The following SECISBP2 variants were observed in gnomAD, a reference collection of about 807,000 sequenced individuals.
SECISBP2 encodes SECIS binding protein 2.
SECISBP2 carries 96 observed loss-of-function variants against 98.2 expected under a neutral mutation model. That is an observed-to-expected ratio of 0.98 (90% CI 0.83 to 1.16). The LOEUF (loss-of-function observed/expected upper bound fraction) is 1.16, where lower values mean the gene tolerates loss of function less well. Ranked by LOEUF, SECISBP2 falls within the 50% of genes most tolerant of loss-of-function variation. The pLI is 0.00. For missense variants in SECISBP2, 1,046 were observed against 1,022.9 expected, an observed-to-expected ratio of 1.02 and a Z score of -0.31; for synonymous variants, 407 against 370.2, an observed-to-expected ratio of 1.10 and a Z score of -1.14.
At chr9:89,358,431 T>G (rs1832432115) in intron 16 of SECISBP2, among the ~76,000 whole-genome samples, 2 of 151,806 alleles carry the variant, frequency 1.3e-5, no homozygotes, top group Admixed American at 1.3e-4. Flanking sequence ...TAAGGATAGC[T>G]GTACCCAAGA....
chr9:89,363,893 A>C, downstream of SECISBP2: 2 of 1,614,090 alleles, frequency 1.2e-6, no homozygotes, highest in Admixed American at 1.7e-5. Context: ...CTGCACAGGG[A>C]CACAGGTCTC....
Position 89,325,670 on chromosome 9 carries a change from G to C in SECISBP2, c.426G>C (p.Leu142=). 6.2e-7 allele frequency: 1 copy of C among 1,614,138 alleles called. No individual in the cohort carries two copies. The highest frequency in any genetic ancestry group is 1.3e-5 in the African/African-American group (1 of 75,044). ...CTCTCCCACAAGAAATGAAAGCTCT[G>C]TTTAAGGTGAGTAGTGATGTTGTTT... is the stretch of plus-strand genomic sequence containing the variant. ...TCPLPQEMKA[L]FKKKTYDEKK... Residue 142 remains leucine (L), a synonymous_variant, in exon 3 of 17, where the codon CTG becomes CTC. Coordinates refer to ENST00000375807, the MANE Select transcript of SECISBP2 (RefSeq NM_024077.5).
chr9:89,339,726 A>G, intron 8 of SECISBP2, 138 bp from the exon 9 acceptor site: 1 of 680,416 alleles, frequency 1.5e-6, no homozygotes. Flanking sequence ...AGAAGCTCTT[A>G]TGTGAGAGTT....
chr9:89,354,707 T>C, intron 14 of SECISBP2: 1 of 948,392 alleles, frequency 1.1e-6, no homozygotes, highest in Non-Finnish European at 1.3e-6. Flanking sequence ...AGGGCCAACC[T>C]GACAGGCAGC....
At chr9:89,355,009 G>A in intron 14 of SECISBP2, 6 of 985,380 alleles carry the variant, frequency 6.1e-6, no homozygotes, top group Non-Finnish European at 7.2e-6. Context: ...TCTATCCCAG[G>A]AGGCTGCCTC....
At chr9:89,335,373 C>A (rs1037379586) in intron 7 of SECISBP2, among the ~76,000 whole-genome samples, 1 of 152,054 alleles carries the variant, frequency 6.6e-6, no homozygotes, top group Non-Finnish European at 1.5e-5. Flanking sequence ...CTCACTGTTG[C>A]CCAGCCTGGA....
chr9:89,355,303 A>G (rs1386673918), intron 14 of SECISBP2: 1 of 985,272 alleles, frequency 1.0e-6, no homozygotes, highest in African/African-American at 1.7e-5. Context: ...CTGGCCTACA[A>G]TGCTGTGTGC....
At chr9:89,346,277 T>C (rs1830405642) in intron 10 of SECISBP2, among the ~76,000 whole-genome samples, 1 of 152,212 alleles carries the variant, frequency 6.6e-6, no homozygotes, top group Non-Finnish European at 1.5e-5. Flanking sequence ...AAAATTGAAA[T>C]GTTCAGTAGT....
intron 2 of SECISBP2, chr9:89,324,503 C>T (rs1476592195): frequency 6.6e-6 from 1 of 152,190 alleles, no homozygotes; most frequent in Non-Finnish European, 1.5e-5. Context: ...TGTAGTCTCC[C>T]TTTCTTATTC....
rs764792226 is a variant in SECISBP2, at chr9:89,341,484, G to A, written c.1435+5G>A. ...CCAAACCAGTGGTAGTCTCAGGTAA[G>A]AGAGTCTTTCCATCTCAGGCAAGTG... On this transcript the variant is annotated splice_donor_5th_base_variant and intron_variant, in intron 10 of 16. Coordinates refer to ENST00000375807, the MANE Select transcript of SECISBP2 (RefSeq NM_024077.5). The A allele has an allele frequency of 6.2e-6, 10 of 1,613,774 alleles. No individual in the cohort carries two copies. The highest frequency in any genetic ancestry group is 3.4e-6 in the Non-Finnish European group (4 of 1,179,998).
Position 89,358,075 on chromosome 9 carries a change from A to G in SECISBP2, c.2345A>G (p.Gln782Arg). ...AAGACCATGCTGGAGAATGTGCAGC[A>G]GGAGCTGGTGGGAGAGCCCAGGCCT... ...AYKTMLENVQ[Q>R]ELVGEPRPQA... The change falls in exon 16 of 17, where the codon CAG becomes CGG. Residue 782 changes from glutamine to arginine, a missense_variant. Transcript: ENST00000375807. 1 of 1,613,844 alleles carries G rather than the reference A, an allele frequency of 6.2e-7. No homozygotes were observed. The highest frequency in any genetic ancestry group is 8.5e-7 in the Non-Finnish European group (1 of 1,180,014).
intron 10 of SECISBP2, among the ~76,000 whole-genome samples, chr9:89,342,538 A>G (rs1472270778): frequency 6.6e-6 from 1 of 152,268 alleles, no homozygotes; most frequent in Non-Finnish European, 1.5e-5. Context: ...TCATTACCAC[A>G]TAATGGTGTA....
rs1204164880 is a variant in SECISBP2, at chr9:89,318,525, C to T, written c.-52C>T. 6 of 1,510,392 alleles carry T rather than the reference C, an allele frequency of 4.0e-6. No homozygotes were observed. The highest frequency in any genetic ancestry group is 3.6e-5 in the South Asian group (3 of 82,426). The allele number at this position is 1,510,392 out of a possible 1,614,324, so 93.6% of individuals were successfully genotyped here. On this transcript the variant is annotated 5_prime_UTR_variant, in exon 1 of 17. Transcript: ENST00000375807. The stretch of plus-strand genomic sequence containing the variant: ...GGAAACGCTTTGTCTGTCCGGCAAG[C>T]CGACGGCCCGCTGCTGGCCTCCGTG...
intron 3 of SECISBP2, 25 bp from the exon 4 acceptor site, chr9:89,325,872 T>C (rs750982501): frequency 1.9e-6 from 3 of 1,613,418 alleles, no homozygotes; most frequent in Admixed American, 1.7e-5. Flanking sequence ...TTTTATTTCA[T>C]GTTGCTTTTT....
chr9:89,321,560 G>A (rs568136335), intron 2 of SECISBP2, among the ~76,000 whole-genome samples: 6 of 152,202 alleles, frequency 3.9e-5, no homozygotes, highest in South Asian at 2.1e-4. Context: ...CCAGTTACTC[G>A]GGAGGCTGAG....
At position 89,349,695 on chromosome 9, in the gene SECISBP2, G is replaced by C. The variant is rs1312656464; in HGVS notation, c.1739-81G>C. 2.0e-6 allele frequency: 3 copies of C among 1,464,520 alleles called. No individual in the cohort carries two copies. In the South Asian group the frequency reaches 3.4e-5, roughly 17 times the overall value. The allele number at this position is 1,464,520 out of a possible 1,614,324, so 90.7% of individuals were successfully genotyped here. On this transcript the variant is annotated intron_variant, in intron 12 of 16. Coordinates refer to ENST00000375807, the MANE Select transcript of SECISBP2 (RefSeq NM_024077.5). ...TTGTGTGCAGGGGTCTGGTTGCATC[G>C]GTGAGACTGCATTGGGCCAGCCCCT...
downstream of SECISBP2, chr9:89,363,331 G>A: frequency 2.0e-6 from 3 of 1,533,718 alleles, 1 homozygote; most frequent in South Asian, 3.6e-5. Context: ...AACAAGTGGG[G>A]TCCATGCTGA....
At chr9:89,350,926 C>T (rs1193318076) in intron 14 of SECISBP2, 74 bp downstream of exon 14, 1 of 1,262,258 alleles carries the variant, frequency 7.9e-7, no homozygotes, top group Non-Finnish European at 1.2e-6. Context: ...GTTTGCCACA[C>T]ACCTCAGCGG....
At chr9:89,347,512 G>A (rs1040484123) in intron 11 of SECISBP2, among the ~76,000 whole-genome samples, 7 of 125,962 alleles carry the variant, frequency 5.6e-5, no homozygotes, top group Non-Finnish European at 7.9e-5. Context: ...TGCTCTTGTC[G>A]CCCAGGCTGG....
Sources: allele counts gnomAD v4.1 joint callset (sites outside exome capture counted in the v4.1 genomes callset), GRCh38; gene constraint gnomAD v4.1.1; transcripts MANE v1.5; gene names NCBI Gene and HGNC (gene_info 2026-07-23, HGNC 2026-07-21).